EPSTI1: variants seen among roughly 807,000 people sequenced by gnomAD.
EPSTI1 encodes the protein epithelial stromal interaction 1, also known as epithelial-stromal interaction protein 1.
A neutral mutation model predicts 49.9 loss-of-function variants in EPSTI1; 66 were observed. The observed-to-expected ratio is 1.32, with a 90% CI of 1.08 to 1.62. The LOEUF (loss-of-function observed/expected upper bound fraction) is 1.62. EPSTI1 is among the 40% of genes most tolerant of loss of function. EPSTI1 has a pLI of 0.00. For missense variants in EPSTI1, 394 were observed against 365.5 expected (o/e 1.08, Z -0.64); for synonymous variants, 137 against 130.7 (o/e 1.05, Z -0.33).
At chr13:42,921,797 G>C (rs34157787) in intron 7 of EPSTI1, among the ~76,000 whole-genome samples, 51,877 of 151,796 alleles carry the variant, frequency 0.34, 10,834 homozygotes, top group Non-Finnish European at 0.47. Context: ...CAGAACAACA[G>C]CTGTGCGCCA....
rs563190826 is a variant in EPSTI1, at chr13:42,963,977, G to A, written c.405+89C>T. ...CTGGTTGGAAGGTTTTATACTTTTG[G>A]TAAAGTTACTGTGTTATTTCACAGT... On this transcript the variant is annotated intron_variant, in intron 4 of 10. Transcript: ENST00000313624. The A allele has an allele frequency of 7.7e-6, 9 of 1,166,598 alleles. No homozygotes were observed. In the East Asian group the frequency reaches 1.5e-4, roughly 20 times the overall value. 72.3% of individuals were successfully genotyped at this position (1,166,598 alleles called of 1,614,324 possible).
intron 7 of EPSTI1, among the ~76,000 whole-genome samples, chr13:42,924,110 A>G (rs193091629): frequency 4.1e-4 from 63 of 152,362 alleles, no homozygotes; most frequent in Admixed American, 1.4e-3. Context: ...TTCCTACACC[A>G]TTAGAAATGA....
At chr13:42,987,776 G>A (rs1230210119) in intron 1 of EPSTI1, among the ~76,000 whole-genome samples, 1 of 152,102 alleles carries the variant, frequency 6.6e-6, no homozygotes, top group East Asian at 1.9e-4. Context: ...ATTTTGTGTT[G>A]AATAGTTATT....
chr13:42,985,479 C>A (rs1236814030), intron 1 of EPSTI1, among the ~76,000 whole-genome samples: 1 of 152,178 alleles, frequency 6.6e-6, no homozygotes, highest in East Asian at 1.9e-4. Flanking sequence ...GAGAATCTTC[C>A]CTTCATGGCC....
intron 6 of EPSTI1, among the ~76,000 whole-genome samples, chr13:42,948,662 A>G (rs1376261164): frequency 6.6e-6 from 1 of 151,630 alleles, no homozygotes; most frequent in Non-Finnish European, 1.5e-5. Context: ...TTTTTTGTAG[A>G]GATGAGGTCT....
chr13:42,905,660 G>A (rs1348269994), intron 8 of EPSTI1, among the ~76,000 whole-genome samples: 2 of 152,210 alleles, frequency 1.3e-5, no homozygotes, highest in African/African-American at 4.8e-5. Context: ...CCTACTCAAT[G>A]CATATTGTCA....
intron 1 of EPSTI1, among the ~76,000 whole-genome samples, chr13:42,974,612 T>C (rs1011652105): frequency 7.4e-4 from 112 of 151,652 alleles, no homozygotes; most frequent in Non-Finnish European, 1.8e-4. Flanking sequence ...TGAGCCGAGA[T>C]TGCGCCACTG....
At position 42,926,324 on chromosome 13, in the gene EPSTI1, TA is replaced by T; in HGVS notation, c.657+11del. 6.5e-7 allele frequency: 1 copy of T among 1,529,618 alleles called. No individual in the cohort carries two copies. The highest frequency in any genetic ancestry group is 9.1e-7 in the Non-Finnish European group (1 of 1,102,810). 94.8% of individuals were successfully genotyped at this position (1,529,618 alleles called of 1,614,324 possible). On this transcript the variant is annotated intron_variant, in intron 7 of 10. Transcript: ENST00000313624. Reference sequence around the variant, plus strand: ...ATGTGCCAGGCAGCACCCTGCAAAGTAATTCACTTACCCATGTTGAGGATTG... The same window carrying T: ...ATGTGCCAGGCAGCACCCTGCAAAGTATTCACTTACCCATGTTGAGGATTG...
intron 8 of EPSTI1, among the ~76,000 whole-genome samples, chr13:42,907,234 A>C (rs567938524): frequency 6.6e-6 from 1 of 152,304 alleles, no homozygotes; most frequent in African/African-American, 2.4e-5. Flanking sequence ...TGCAAGGTAG[A>C]CGTAGGTTTC....
intron 1 of EPSTI1, among the ~76,000 whole-genome samples, chr13:42,978,273 G>A (rs185333956): frequency 1.3e-5 from 2 of 152,280 alleles, no homozygotes; most frequent in African/African-American, 4.8e-5. Flanking sequence ...AGACATTTTA[G>A]GAAGACATGA....
intron 8 of EPSTI1, among the ~76,000 whole-genome samples, chr13:42,914,728 G>T (rs558332211): frequency 6.6e-6 from 1 of 152,272 alleles, no homozygotes; most frequent in South Asian, 2.1e-4. Context: ...GGGTTAGCTG[G>T]TTTATTTTAG....
Position 42,926,434 on chromosome 13 carries a change from C to T in EPSTI1, c.564-5G>A, listed in dbSNP as rs1254903367. ...CTCAAGAACTCAGCGGTTTTGCTAC[C>T]AGAAACACAAACAGGTGTTAGTGCC... is the stretch of plus-strand genomic sequence containing the variant. On this transcript the variant is annotated splice_polypyrimidine_tract_variant and splice_region_variant and intron_variant, in intron 6 of 10. Transcript: ENST00000313624. 58 of 1,586,086 alleles carry T rather than the reference C, an allele frequency of 3.7e-5. No homozygotes were observed. Among genetic ancestry groups the T allele is most frequent in the Non-Finnish European group, 4.8e-5 (56 of 1,154,648 alleles).
At chr13:42,971,089 G>A (rs1399964472) in intron 1 of EPSTI1, among the ~76,000 whole-genome samples, 1 of 152,296 alleles carries the variant, frequency 6.6e-6, no homozygotes, top group East Asian at 1.9e-4. Flanking sequence ...TTGCAATGCA[G>A]CCACCTCCTC....
intron 10 of EPSTI1, among the ~76,000 whole-genome samples, chr13:42,892,629 T>G (rs1390034913): frequency 1.3e-5 from 2 of 152,126 alleles, no homozygotes; most frequent in Non-Finnish European, 2.9e-5. Flanking sequence ...AGAGATGTGT[T>G]GGGTAGGCAA....
intron 5 of EPSTI1, among the ~76,000 whole-genome samples, chr13:42,956,526 T>C (rs2153429456): frequency 6.6e-6 from 1 of 152,144 alleles, no homozygotes; most frequent in African/African-American, 2.4e-5. Context: ...AAAGGAAAAA[T>C]AGAGCCAGTG....
chr13:42,975,173 T>C (rs367701671), intron 1 of EPSTI1, among the ~76,000 whole-genome samples: 75 of 152,356 alleles, frequency 4.9e-4, no homozygotes, highest in African/African-American at 1.7e-3. Flanking sequence ...ACTTACTGTT[T>C]TCAGTCAACA....
At chr13:42,931,265 G>A (rs536839558) in intron 6 of EPSTI1, among the ~76,000 whole-genome samples, 12 of 143,816 alleles carry the variant, frequency 8.3e-5, no homozygotes, top group African/African-American at 2.9e-4. Context: ...GACTGCAGTG[G>A]CGCAATCTCG....
At chr13:42,973,136 G>C (rs2039805182) in intron 1 of EPSTI1, among the ~76,000 whole-genome samples, 1 of 152,190 alleles carries the variant, frequency 6.6e-6, no homozygotes, top group African/African-American at 2.4e-5. Context: ...AAAAGGTTTG[G>C]AGAGAAAAAT....
intron 9 of EPSTI1, 70 bp from the exon 10 acceptor site, chr13:42,895,178 A>G: frequency 8.2e-7 from 1 of 1,224,744 alleles, no homozygotes; most frequent in Middle Eastern, 1.9e-4. Context: ...TGAGAATCTA[A>G]TGTGTTGTAT....
Sources: allele counts gnomAD v4.1 joint callset (sites outside exome capture counted in the v4.1 genomes callset), GRCh38; gene constraint gnomAD v4.1.1; transcripts MANE v1.5; gene names NCBI Gene and HGNC (gene_info 2026-07-23, HGNC 2026-07-21).